Variants in ACSM2B observed in about 807,000 individuals in gnomAD.
The protein encoded by ACSM2B is acyl-coenzyme A synthetase ACSM2B, mitochondrial.
ACSM2B carries 58 observed loss-of-function variants against 78.6 expected under a neutral mutation model. The ratio of observed to expected loss-of-function variants is 0.74; its 90% CI spans 0.60 to 0.92. ACSM2B has a LOEUF of 0.92. Ranked by LOEUF, ACSM2B falls within the 40% of genes least tolerant of loss-of-function variation. ACSM2B has a pLI of 0.00. For missense variants in ACSM2B, 688 were observed against 711.2 expected (o/e 0.97, Z 0.37); for synonymous variants, 257 against 256.8 (o/e 1.00, Z -0.01).
intron 6 of ACSM2B, among the ~76,000 whole-genome samples, chr16:20,549,226 T>C (rs1055607583): frequency 1.3e-5 from 2 of 152,178 alleles, no homozygotes; most frequent in African/African-American, 4.8e-5. Context: ...CAGAATGTAA[T>C]AGAGTATTGT....
At chr16:20,569,022 ACTTTGCTGACTGTTC>A (rs1279275239) in intron 1 of ACSM2B, among the ~76,000 whole-genome samples, 6 of 151,832 alleles carry the variant, frequency 4.0e-5, no homozygotes, top group Non-Finnish European at 8.8e-5. Context: ...TTGTCTGTTT[ACTTTGCTGACTGTTC>A]CTTTCGCCAT....
intron 1 of ACSM2B, among the ~76,000 whole-genome samples, chr16:20,574,874 C>G (rs2016200639): frequency 6.7e-6 from 1 of 150,244 alleles, no homozygotes; most frequent in Non-Finnish European, 1.5e-5. Flanking sequence ...AGATAGAATC[C>G]CCGAGTTCAT....
At chr16:20,569,744 T>G (rs767141782) in intron 1 of ACSM2B, among the ~76,000 whole-genome samples, 17 of 152,014 alleles carry the variant, frequency 1.1e-4, no homozygotes, top group Admixed American at 2.0e-4. Context: ...CATCTATGAT[T>G]TCTTTCAGCA....
At chr16:20,557,540 A>G (rs1324410922) in intron 3 of ACSM2B, among the ~76,000 whole-genome samples, 1 of 152,164 alleles carries the variant, frequency 6.6e-6, no homozygotes, top group Non-Finnish European at 1.5e-5. Flanking sequence ...TTCCCTATTG[A>G]GCATCCAATA....
intron 1 of ACSM2B, among the ~76,000 whole-genome samples, chr16:20,571,147 G>A (rs1229076461): frequency 1.3e-5 from 2 of 151,800 alleles, no homozygotes; most frequent in Non-Finnish European, 2.9e-5. Flanking sequence ...CTAGTTCCTT[G>A]AGGTGTGGCC....
In ACSM2B at chr16:20,559,809, G is replaced by A. The variant is rs541779013; in HGVS notation, c.178-362C>T. Among the ~76,000 whole-genome samples the A allele has an allele frequency of 1.7e-4, 25 of 150,822 alleles. No homozygotes were observed. In the East Asian group the frequency reaches 4.4e-3, roughly 27 times the overall value. On this transcript the variant is annotated intron_variant, in intron 2 of 13. Transcript: ENST00000329697. ...TTTATTTATTGCATCTATTTATTCT[G>A]CAATTCCCTTTAATGTCTTAGTAGA...
chr16:20,547,130 T>A (rs1276547433), intron 8 of ACSM2B: 3 of 1,022,884 alleles, frequency 2.9e-6, no homozygotes, highest in Non-Finnish European at 3.6e-6. Flanking sequence ...TGACCCATCT[T>A]TTCCCGCCAC....
rs2016248517 is a variant in ACSM2B, at chr16:20,576,310, C to G, written c.-112G>C. Reference sequence around the variant, plus strand: ...ACAGCCTTGGAAGAGAGCACAGTAACTCAAGCAGACAGCTTCAGAATCCCT... The same window carrying G: ...ACAGCCTTGGAAGAGAGCACAGTAAGTCAAGCAGACAGCTTCAGAATCCCT... On this transcript the variant is annotated 5_prime_UTR_variant, in exon 1 of 14. Coordinates refer to ENST00000329697, the MANE Select transcript of ACSM2B (RefSeq NM_001105069.2). 2.6e-5 allele frequency: 4 copies of G among 151,218 alleles called. No homozygotes were observed. Among genetic ancestry groups the G allele is most frequent in the Admixed American group, 1.3e-4 (2 of 15,224 alleles). 9.4% of individuals were successfully genotyped at this position (151,218 alleles called of 1,614,324 possible).
chr16:20,539,986 G>A (rs1353226923), intron 13 of ACSM2B, among the ~76,000 whole-genome samples: 1 of 152,186 alleles, frequency 6.6e-6, no homozygotes, highest in Non-Finnish European at 1.5e-5. Flanking sequence ...AGCAATAAAT[G>A]TCAAGCTAGA....
Position 20,543,069 on chromosome 16 carries a change from C to T in ACSM2B, c.1410-56G>A, listed in dbSNP as rs191412146. The T allele has an allele frequency of 2.4e-5, 38 of 1,612,740 alleles. 1 individual carries two copies. Among genetic ancestry groups the T allele is most frequent in the Middle Eastern group, 1.7e-4 (1 of 6,056 alleles). On this transcript the variant is annotated intron_variant, in intron 11 of 13. Transcript: ENST00000329697. ...TGGACACCGAACCTCTAGGCCATTC[C>T]GGAAGTCTGGAACCAGCCAGAGTAA...
intron 10 of ACSM2B, among the ~76,000 whole-genome samples, 186 bp from the exon 11 acceptor site, chr16:20,543,448 T>C (rs1269407356): frequency 6.6e-6 from 1 of 152,230 alleles, no homozygotes; most frequent in Non-Finnish European, 1.5e-5. Flanking sequence ...TTTTCCCATT[T>C]ATTGAAGTTA....
intron 13 of ACSM2B, among the ~76,000 whole-genome samples, chr16:20,539,848 A>G (rs577058483): frequency 1.6e-3 from 237 of 152,262 alleles, no homozygotes; most frequent in African/African-American, 5.4e-3. Context: ...AAAGCATTCC[A>G]AGAAATCAAG....
chr16:20,566,745 ATATAC>A (rs1221948172), intron 1 of ACSM2B, among the ~76,000 whole-genome samples: 2 of 79,922 alleles, frequency 2.5e-5, no homozygotes, highest in African/African-American at 6.9e-5. Context: ...TATATACTAT[ATATAC>A]TATATATAGT....
chr16:20,566,896 CATT>C (rs2015911678), intron 1 of ACSM2B, among the ~76,000 whole-genome samples: 1 of 126,402 alleles, frequency 7.9e-6, no homozygotes, highest in South Asian at 2.3e-4. Flanking sequence ...ATATGATACA[CATT>C]ATATATAATA....
chr16:20,555,524 T>C (rs1390562281), intron 3 of ACSM2B, 48 bp from the exon 4 acceptor site: 12 of 1,608,016 alleles, frequency 7.5e-6, no homozygotes, highest in Non-Finnish European at 9.4e-6. Context: ...GTTTTCTTTG[T>C]CCCTAGAGAA....
rs183078161 is a variant in ACSM2B at position 20,548,175 on chromosome 16, G to A, written c.985C>T (p.Pro329Ser). The A allele has an allele frequency of 4.0e-4, 650 of 1,614,038 alleles. 5 individuals carry two copies. Among genetic ancestry groups the A allele is most frequent in the Non-Finnish European group, 3.7e-5 (44 of 1,179,922 alleles). ...LQQDLSSYKF[P>S]HLQNCLAGGE... The stretch of plus-strand genomic sequence containing the variant: ...CCAGCGAGGCAGTTCTGTAGATGGG[G>A]GAACTTGTAACTGAAGAAGAGAAAT... The change falls in exon 8 of 14, where the codon CCC (proline) becomes TCC (serine). Residue 329 changes from proline to serine, a missense_variant. Physicochemically the swap from Pro to Ser is moderately conservative, Grantham distance 74. Transcript: ENST00000329697.
chr16:20,561,343 T>C lies in ACSM2B; in HGVS notation c.178-1896A>G, dbSNP rs189916523. Among the ~76,000 whole-genome samples the C allele has an allele frequency of 1.3e-5, 2 of 151,438 alleles. 1 individual carries two copies. The highest frequency in any genetic ancestry group is 2.9e-5 in the Non-Finnish European group (2 of 67,842). On this transcript the variant is annotated intron_variant, in intron 2 of 13. Transcript: ENST00000329697. ...GAAGCATGGTGCTGGCATCTGCTTC[T>C]GGTGAGGGCCTCAGGAAGATTACAG...
At chr16:20,539,961 C>A (rs570940649) in intron 13 of ACSM2B, among the ~76,000 whole-genome samples, 10 of 152,208 alleles carry the variant, frequency 6.6e-5, no homozygotes, top group Admixed American at 5.9e-4. Context: ...CACCCCAGGA[C>A]TTTTCAATTG....
chr16:20,549,934 G>C (rs1260204179), intron 6 of ACSM2B: 1 of 346,108 alleles, frequency 2.9e-6, no homozygotes, highest in Non-Finnish European at 5.6e-6. Flanking sequence ...GGAGACCCAA[G>C]TTCTTATTTG....
Sources: gnomAD v4.1 joint callset for allele counts (sites outside exome capture counted in the v4.1 genomes callset) on GRCh38, gnomAD v4.1.1 for gene constraint, MANE v1.5 for transcripts, NCBI Gene and HGNC (gene_info 2026-07-23, HGNC 2026-07-21) for gene names.